Variants in OTUD7A observed in about 807,000 individuals in gnomAD.
OTUD7A encodes OTU domain-containing protein 7A.
In OTUD7A, 12 loss-of-function variants were observed where a neutral mutation model predicts 65.7. The observed-to-expected ratio is 0.18, with a 90% CI of 0.12 to 0.30. The LOEUF (loss-of-function observed/expected upper bound fraction) is 0.30, where lower values mean the gene tolerates loss of function less well. OTUD7A is among the 10% of genes least tolerant of loss of function. The probability of loss-of-function intolerance (pLI) is 1.00; values close to 1 mark genes in which losing one functional copy is unlikely to be tolerated. For missense variants in OTUD7A, 1,148 were observed against 1,304.8 expected, an observed-to-expected ratio of 0.88 and a Z score of 1.85; for synonymous variants, 641 against 586.3, an observed-to-expected ratio of 1.09 and a Z score of -1.35.
At chr15:31,815,469 A>G (rs1226551898) in intron 1 of OTUD7A, among the ~76,000 whole-genome samples, 1 of 152,208 alleles carries the variant, frequency 6.6e-6, no homozygotes, top group Non-Finnish European at 1.5e-5. Context: ...AGATGAACAA[A>G]CATCTACCCA....
At chr15:31,612,830 T>C (rs925443856) in intron 3 of OTUD7A, among the ~76,000 whole-genome samples, 3 of 152,176 alleles carry the variant, frequency 2.0e-5, no homozygotes, top group African/African-American at 7.2e-5. Context: ...AGAGCCTGCA[T>C]AGCCAAAGTA....
intron 3 of OTUD7A, among the ~76,000 whole-genome samples, chr15:31,588,064 T>C (rs1438124624): frequency 6.6e-6 from 1 of 151,904 alleles, no homozygotes; most frequent in Non-Finnish European, 1.5e-5. Context: ...CATATGCACA[T>C]AGAGCCACTA....
intron 1 of OTUD7A, among the ~76,000 whole-genome samples, chr15:31,738,416 G>A (rs1008414232): frequency 6.6e-6 from 1 of 152,138 alleles, no homozygotes; most frequent in Non-Finnish European, 1.5e-5. Context: ...AGGAACTCCA[G>A]CCACCACCAT....
chr15:31,560,811 T>C (rs542919671), intron 4 of OTUD7A, among the ~76,000 whole-genome samples: 1 of 152,318 alleles, frequency 6.6e-6, no homozygotes, highest in African/African-American at 2.4e-5. Flanking sequence ...TCTGTGCTCC[T>C]GCAATGCCCC....
At chr15:31,652,512 C>T (rs1427320452) in intron 3 of OTUD7A, among the ~76,000 whole-genome samples, 1 of 151,920 alleles carries the variant, frequency 6.6e-6, no homozygotes, top group African/African-American at 2.4e-5. Context: ...AAAACTGTGC[C>T]CTGTAAAAGG....
chr15:31,679,043 G>A (rs1892655098), intron 1 of OTUD7A, among the ~76,000 whole-genome samples: 1 of 152,258 alleles, frequency 6.6e-6, no homozygotes, highest in Admixed American at 6.5e-5. Context: ...TGACCTGGAT[G>A]TGAGACATGG....
rs1288537883 is a variant in OTUD7A at position 31,654,958 on chromosome 15, TTAA to T, written c.151+135_151+137del. The T allele has an allele frequency of 6.9e-6, 7 of 1,009,534 alleles. No homozygotes were observed. In the African/African-American group the frequency reaches 1.0e-4, roughly 14 times the overall value. 62.5% of individuals were successfully genotyped at this position (1,009,534 alleles called of 1,614,324 possible). ...TAATAATTAGTGATAAAATTTTGAC[TTAA>T]TATCGGTAAGATGTAACACAAAGCA... On this transcript the variant is annotated intron_variant, in intron 3 of 12. Transcript: ENST00000307050.
intron 3 of OTUD7A, among the ~76,000 whole-genome samples, chr15:31,650,957 C>T (rs1291777393): frequency 6.6e-6 from 1 of 150,866 alleles, no homozygotes; most frequent in Non-Finnish European, 1.5e-5. Flanking sequence ...AACACACTGG[C>T]TGGGCTCACT....
chr15:31,685,246 T>C (rs548593694), intron 1 of OTUD7A, among the ~76,000 whole-genome samples: 8 of 152,364 alleles, frequency 5.3e-5, no homozygotes, highest in Non-Finnish European at 1.2e-4. Flanking sequence ...TTTTACTGCC[T>C]AGTAAACAAG....
intron 1 of OTUD7A, among the ~76,000 whole-genome samples, chr15:31,826,400 T>G (rs1247875564): frequency 1.3e-5 from 2 of 152,216 alleles, no homozygotes; most frequent in Non-Finnish European, 2.9e-5. Flanking sequence ...GTTGGCCCCT[T>G]TCAACCATGG....
chr15:31,613,192 C>A (rs1164590834), intron 3 of OTUD7A, among the ~76,000 whole-genome samples: 2 of 152,136 alleles, frequency 1.3e-5, no homozygotes, highest in African/African-American at 4.8e-5. Flanking sequence ...TATAAAAATT[C>A]TAGAAGATAA....
intron 1 of OTUD7A, among the ~76,000 whole-genome samples, chr15:31,683,518 C>T (rs1454912871): frequency 6.6e-6 from 1 of 152,162 alleles, no homozygotes; most frequent in Admixed American, 6.5e-5. Context: ...CTCACTGACT[C>T]AGTTTTGAAA....
intron 1 of OTUD7A, among the ~76,000 whole-genome samples, chr15:31,802,027 T>C (rs1443557439): frequency 1.3e-5 from 2 of 150,102 alleles, no homozygotes; most frequent in East Asian, 2.0e-4. Context: ...TTACATGAAA[T>C]CACAAAAAAA....
chr15:31,748,812 C>T (rs1429875117), intron 1 of OTUD7A, among the ~76,000 whole-genome samples: 6 of 152,046 alleles, frequency 3.9e-5, no homozygotes, highest in East Asian at 1.9e-4. Flanking sequence ...CATTCCTTTG[C>T]GTCAATATAT....
chr15:31,726,177 G>A (rs1167897718), intron 1 of OTUD7A, among the ~76,000 whole-genome samples: 2 of 150,752 alleles, frequency 1.3e-5, no homozygotes, highest in Non-Finnish European at 1.5e-5. Context: ...ATTCCCTATC[G>A]GGCCTTAAAT....
intron 1 of OTUD7A, among the ~76,000 whole-genome samples, chr15:31,684,058 A>G (rs1246487335): frequency 6.6e-6 from 1 of 152,228 alleles, no homozygotes; most frequent in Non-Finnish European, 1.5e-5. Context: ...AGTTGGAAGC[A>G]ATTGATTTCA....
intron 1 of OTUD7A, among the ~76,000 whole-genome samples, chr15:31,777,353 A>G (rs757346727): frequency 7.9e-5 from 12 of 152,340 alleles, no homozygotes; most frequent in Non-Finnish European, 1.6e-4. Context: ...TTCAGTCTAT[A>G]GTACCCCAAT....
chr15:31,778,342 G>A (rs1235362480), intron 1 of OTUD7A, among the ~76,000 whole-genome samples: 1 of 152,182 alleles, frequency 6.6e-6, no homozygotes, highest in Non-Finnish European at 1.5e-5. Flanking sequence ...ACCATGGGGT[G>A]CAGCTGGGGG....
intron 10 of OTUD7A, among the ~76,000 whole-genome samples, chr15:31,493,656 T>G (rs1273827897): frequency 1.3e-5 from 2 of 152,224 alleles, no homozygotes; most frequent in African/African-American, 2.4e-5. Context: ...ACAGAAATCA[T>G]GATGTTTGTG....
Sources: gnomAD v4.1 joint callset for allele counts (sites outside exome capture counted in the v4.1 genomes callset) on GRCh38, gnomAD v4.1.1 for gene constraint, MANE v1.5 for transcripts, NCBI Gene and HGNC (gene_info 2026-07-23, HGNC 2026-07-21) for gene names.